Variants in DNAH17 observed in about 807,000 individuals in gnomAD.
The protein encoded by DNAH17 is dynein axonemal heavy chain 17, also known as axonemal beta dynein heavy chain 17.
In DNAH17, 376 loss-of-function variants were observed where a neutral mutation model predicts 485.6. The observed-to-expected ratio is 0.77, with a 90% CI of 0.71 to 0.84. The LOEUF (loss-of-function observed/expected upper bound fraction) is 0.84. Among genes scored for constraint, DNAH17 ranks in the 40% least tolerant of loss-of-function variants. The pLI, the probability that DNAH17 is intolerant of heterozygous loss-of-function variation, is 0.00. For synonymous variants in DNAH17, 3,031 were observed against 2,405.9 expected (o/e 1.26, Z -7.60); for missense variants, 6,370 against 5,839.3 (o/e 1.09, Z -2.96).
At position 78,494,824 on chromosome 17, in the gene DNAH17, C is replaced by CG. The variant is rs780753478; in HGVS notation, c.6043-5dup. 6.3e-7 allele frequency: 1 copy of CG among 1,597,222 alleles called. No individual in the cohort carries two copies. Among genetic ancestry groups the CG allele is most frequent in the Non-Finnish European group, 8.5e-7 (1 of 1,169,864 alleles). ...TCAGGCCCCAGTCGTAATGATCCTGCGGGCAGTGGGCACAGGTGGGCAGAC... is the reference window on the plus strand; with the variant it reads ...TCAGGCCCCAGTCGTAATGATCCTGCGGGGCAGTGGGCACAGGTGGGCAGAC... On this transcript the variant is annotated splice_region_variant and splice_polypyrimidine_tract_variant and intron_variant, in intron 39 of 80. Coordinates refer to ENST00000389840, the MANE Select transcript of DNAH17 (RefSeq NM_173628.4).
intron 51 of DNAH17, among the ~76,000 whole-genome samples, chr17:78,477,942 T>TCATCACCACCATCAC (rs1568116997): frequency 9.7e-5 from 14 of 145,012 alleles, no homozygotes; most frequent in African/African-American, 3.7e-4. Context: ...ATCACCACCA[T>TCATCACCACCATCAC]CACCATTATC....
chr17:78,515,100 A>G (rs1201325512), intron 25 of DNAH17, 78 bp from the exon 26 acceptor site: 1 of 1,543,290 alleles, frequency 6.5e-7, no homozygotes, highest in African/African-American at 1.4e-5. Flanking sequence ...ACCTTTCTGC[A>G]CTTACTCGCA....
chr17:78,536,324 C>T (rs1364936531), intron 19 of DNAH17, among the ~76,000 whole-genome samples: 2 of 152,074 alleles, frequency 1.3e-5, no homozygotes, highest in Non-Finnish European at 2.9e-5. Flanking sequence ...GTGGCATGCA[C>T]CTGTAGTCCC....
chr17:78,468,004 G>A (rs1013708702), intron 55 of DNAH17, among the ~76,000 whole-genome samples: 2 of 123,758 alleles, frequency 1.6e-5, no homozygotes, highest in Non-Finnish European at 1.6e-5. Flanking sequence ...GGCGACAAGT[G>A]AAACTCCATC....
At chr17:78,450,021 G>T in intron 68 of DNAH17, 1 of 561,786 alleles carries the variant, frequency 1.8e-6, no homozygotes, top group Non-Finnish European at 3.2e-6. Flanking sequence ...AGGCACCAGG[G>T]GAAGAGCAGG....
chr17:78,572,664 C>T, intron 3 of DNAH17, 37 bp downstream of exon 3: 2 of 1,544,296 alleles, frequency 1.3e-6, no homozygotes, highest in Non-Finnish European at 8.7e-7. Flanking sequence ...GCCTCTTCCC[C>T]ACCCAGCGGC....
intron 56 of DNAH17, among the ~76,000 whole-genome samples, chr17:78,465,819 CCCCCGCCCGGCCAGCCG>C (rs2088417380): frequency 1.3e-5 from 2 of 149,820 alleles, no homozygotes; most frequent in Admixed American, 1.3e-4. Context: ...GGGGGTCAGC[CCCCCGCCCGGCCAGCCG>C]CCCCGTCCGG....
At chr17:78,484,748 A>ACCCC in intron 48 of DNAH17, 120 bp downstream of exon 48, 1 of 138,456 alleles carries the variant, frequency 7.2e-6, no homozygotes, top group Non-Finnish European at 1.1e-5. Context: ...CACCCCCCCC[A>ACCCC]CCGCCCCACA....
chr17:78,520,830 T>C (rs1387829363), intron 25 of DNAH17, among the ~76,000 whole-genome samples: 1 of 152,228 alleles, frequency 6.6e-6, no homozygotes, highest in Non-Finnish European at 1.5e-5. Context: ...GCAATTCCTA[T>C]AAAAACCCCA....
Position 78,445,427 on chromosome 17 carries a change from G to A in DNAH17, c.11334+131C>T, listed in dbSNP as rs920233316. ...TCTTGGTCTCCATCCCTATGTGCGG[G>A]GCCTCCTTGCTTTACTGAATTTATG... On this transcript the variant is annotated intron_variant, in intron 70 of 80. Transcript: ENST00000389840. The A allele has an allele frequency of 1.9e-5, 25 of 1,290,620 alleles. No homozygotes were observed. The South Asian group carries it at 2.3e-4, about 12-fold the overall frequency. 79.9% of individuals were successfully genotyped at this position (1,290,620 alleles called of 1,614,324 possible).
chr17:78,557,144 A>T (rs2092041698), intron 14 of DNAH17, among the ~76,000 whole-genome samples: 2 of 152,188 alleles, frequency 1.3e-5, no homozygotes, highest in South Asian at 4.1e-4. Context: ...TGAACCAAAG[A>T]GCTGAGCAGG....
intron 59 of DNAH17, 22 bp from the exon 60 acceptor site, chr17:78,460,023 G>A (rs766805954): frequency 1.9e-6 from 3 of 1,611,218 alleles, no homozygotes; most frequent in Non-Finnish European, 2.5e-6. Context: ...AGACGGGATG[G>A]GTCCGATGGG....
intron 72 of DNAH17, among the ~76,000 whole-genome samples, chr17:78,440,247 T>C (rs79371381): frequency 2.4e-5 from 1 of 42,538 alleles, no homozygotes; most frequent in South Asian, 7.4e-4. Flanking sequence ...CTTCATGCTT[T>C]TTTTTTTTTT....
intron 36 of DNAH17, 29 bp downstream of exon 36, chr17:78,500,276 G>T: frequency 6.3e-7 from 1 of 1,589,644 alleles, no homozygotes; most frequent in Non-Finnish European, 8.5e-7. Flanking sequence ...GAAGACTCTG[G>T]GTCCCTCCTC....
chr17:78,570,550 C>T (rs1473829313), intron 6 of DNAH17, among the ~76,000 whole-genome samples, 178 bp from the exon 7 acceptor site: 2 of 151,990 alleles, frequency 1.3e-5, no homozygotes, highest in African/African-American at 4.8e-5. Context: ...AACCCACGGC[C>T]CCACATGCCT....
In DNAH17 at chr17:78,564,136, A is replaced by AG. The variant is rs1341796491; in HGVS notation, c.1570-2157dup. On this transcript the variant is annotated intron_variant, in intron 11 of 80. Coordinates refer to ENST00000389840, the MANE Select transcript of DNAH17 (RefSeq NM_173628.4). Reference sequence around the variant, plus strand: ...CAGGACCTCCTGCTCCTCACAGGGTAGGGGCCTAGGGCTCCCGAGGGGTCA... The same window carrying AG: ...CAGGACCTCCTGCTCCTCACAGGGTAGGGGGCCTAGGGCTCCCGAGGGGTCA... Among the ~76,000 whole-genome samples the AG allele has an allele frequency of 5.9e-5, 9 of 151,982 alleles. No individual in the cohort carries two copies. The East Asian group carries it at 1.7e-3, about 29-fold the overall frequency.
chr17:78,478,218 TCAC>T (rs879642618), intron 51 of DNAH17, among the ~76,000 whole-genome samples: 187 of 143,336 alleles, frequency 1.3e-3, no homozygotes, highest in East Asian at 2.2e-3. Flanking sequence ...ACCACCATCA[TCAC>T]CACATCACCA....
chr17:78,461,503 C>A, intron 58 of DNAH17, 41 bp downstream of exon 58: 1 of 1,511,252 alleles, frequency 6.6e-7, no homozygotes, highest in Non-Finnish European at 8.9e-7. Context: ...CTGGCCAGTG[C>A]AGCAGCCTTC....
chr17:78,576,590 G>A (rs2092435871), intron 1 of DNAH17, among the ~76,000 whole-genome samples: 1 of 152,138 alleles, frequency 6.6e-6, no homozygotes, highest in Non-Finnish European at 1.5e-5. Context: ...CCGAGACCCG[G>A]GGACGCGTCA....
Sources: gnomAD v4.1 joint callset for allele counts (sites outside exome capture counted in the v4.1 genomes callset) on GRCh38, gnomAD v4.1.1 for gene constraint, MANE v1.5 for transcripts, NCBI Gene and HGNC (gene_info 2026-07-23, HGNC 2026-07-21) for gene names.